The following ATP10B variants were observed in gnomAD, a reference collection of about 807,000 sequenced individuals.
ATP10B encodes the protein ATPase phospholipid transporting 10B (putative), also known as phospholipid-transporting ATPase VB.
A neutral mutation model predicts 141.2 loss-of-function variants in ATP10B; 122 were observed. The ratio of observed to expected loss-of-function variants is 0.86; its 90% CI spans 0.75 to 1.00. ATP10B has a LOEUF of 1.00. Among genes scored for constraint, ATP10B ranks in the 50% least tolerant of loss-of-function variants. The pLI, the probability that ATP10B is intolerant of heterozygous loss-of-function variation, is 0.00. For missense variants in ATP10B, 1,876 were observed against 1,825.3 expected, an observed-to-expected ratio of 1.03 and a Z score of -0.51; for synonymous variants, 685 against 692.0, an observed-to-expected ratio of 0.99 and a Z score of 0.16.
At chr5:160,898,700 A>T in the ATP10B span, among the ~76,000 whole-genome samples, 1 of 152,124 alleles carries the variant, frequency 6.6e-6, no homozygotes, top group African/African-American at 2.4e-5. Context: ...GCACACGTAT[A>T]TTTATTGCAG....
chr5:160,755,298 A>G (rs930504004), intron 2 of ATP10B, among the ~76,000 whole-genome samples: 1 of 152,146 alleles, frequency 6.6e-6, no homozygotes, highest in African/African-American at 2.4e-5. Flanking sequence ...TATCCGCCCC[A>G]TGATCCAATC....
At chr5:160,849,292 A>G (rs1305017511) in intron 1 of ATP10B, among the ~76,000 whole-genome samples, 2 of 152,098 alleles carry the variant, frequency 1.3e-5, no homozygotes, top group African/African-American at 4.8e-5. Context: ...CTTCAACTTA[A>G]TGAGTTCAGA....
intron 24 of ATP10B, among the ~76,000 whole-genome samples, chr5:160,583,532 C>T (rs1285469115): frequency 6.6e-6 from 1 of 152,170 alleles, no homozygotes; most frequent in Non-Finnish European, 1.5e-5. Flanking sequence ...GGTCAGGGAC[C>T]CACTGGAGGA....
chr5:160,828,267 A>G (rs961944378), intron 1 of ATP10B, among the ~76,000 whole-genome samples: 1 of 152,208 alleles, frequency 6.6e-6, no homozygotes, highest in Non-Finnish European at 1.5e-5. Flanking sequence ...ATCAGAGTGA[A>G]CAGGCAACCT....
At chr5:160,722,070 G>A (rs929461226) in intron 2 of ATP10B, among the ~76,000 whole-genome samples, 2 of 152,112 alleles carry the variant, frequency 1.3e-5, no homozygotes, top group African/African-American at 4.8e-5. Context: ...ACATTAGAAC[G>A]AGTGCTTCGT....
intron 3 of ATP10B, among the ~76,000 whole-genome samples, chr5:160,698,633 G>A (rs1271929411): frequency 6.6e-6 from 1 of 152,132 alleles, no homozygotes; most frequent in African/African-American, 2.4e-5. Context: ...GTGAAGTGCA[G>A]AGAGGAAAAT....
chr5:160,669,509 T>G (rs911712713), intron 7 of ATP10B, among the ~76,000 whole-genome samples: 1 of 151,630 alleles, frequency 6.6e-6, no homozygotes, highest in Non-Finnish European at 1.5e-5. Flanking sequence ...GATTTCTCCA[T>G]GATGTCTGAG....
At chr5:160,899,344 G>C in the ATP10B span, among the ~76,000 whole-genome samples, 4 of 152,008 alleles carry the variant, frequency 2.6e-5, no homozygotes, top group Admixed American at 1.3e-4. Flanking sequence ...TTAAAAATAA[G>C]AAAGTGGGGA....
the ATP10B span, among the ~76,000 whole-genome samples, chr5:160,898,623 G>A: frequency 1.3e-5 from 2 of 152,176 alleles, no homozygotes; most frequent in African/African-American, 2.4e-5. Flanking sequence ...AATACCATTT[G>A]ACTCAGCAAT....
the ATP10B span, among the ~76,000 whole-genome samples, chr5:160,899,234 G>T: frequency 4.0e-4 from 61 of 152,108 alleles, no homozygotes; most frequent in African/African-American, 1.2e-3. Flanking sequence ...TGGGGGGGAG[G>T]GGTCACAGTT....
chr5:160,621,522 A>T (rs577488882), intron 14 of ATP10B, among the ~76,000 whole-genome samples: 106 of 152,352 alleles, frequency 7.0e-4, no homozygotes, highest in African/African-American at 2.5e-3. Flanking sequence ...TTAAAAATGA[A>T]TTAATTTTTA....
At chr5:160,685,661 C>T (rs1218896680) in intron 6 of ATP10B, among the ~76,000 whole-genome samples, 1 of 152,214 alleles carries the variant, frequency 6.6e-6, no homozygotes, top group Non-Finnish European at 1.5e-5. Flanking sequence ...ATAATCCAGC[C>T]ATCCTAGAGT....
At position 160,565,332 on chromosome 5, in the gene ATP10B, G is replaced by A; in HGVS notation, c.*121C>T. ...CAGCACTTCCTCCATGGAAGTCAAGGTTGTTGAAGAAAAGAATAAGACTGG... is the reference window on the plus strand; with the variant it reads ...CAGCACTTCCTCCATGGAAGTCAAGATTGTTGAAGAAAAGAATAAGACTGG... On this transcript the variant is annotated 3_prime_UTR_variant, in exon 26 of 26. Coordinates refer to ENST00000327245, the MANE Select transcript of ATP10B (RefSeq NM_025153.3). The A allele has an allele frequency of 1.9e-6, 2 of 1,060,694 alleles. No individual in the cohort carries two copies. Among genetic ancestry groups the A allele is most frequent in the South Asian group, 3.2e-5 (2 of 63,268 alleles). 65.7% of individuals were successfully genotyped at this position (1,060,694 alleles called of 1,614,324 possible). A position where few individuals can be genotyped will look rare whatever the true frequency, so the allele number is the denominator to read the frequency against.
intron 7 of ATP10B, among the ~76,000 whole-genome samples, chr5:160,661,904 G>A (rs924949168): frequency 1.4e-4 from 21 of 152,274 alleles, no homozygotes; most frequent in South Asian, 4.1e-4. Flanking sequence ...AAGCCCCATC[G>A]TCTCAGCTCA....
chr5:160,608,133 A>G (rs1445864543), intron 18 of ATP10B, among the ~76,000 whole-genome samples: 1 of 151,854 alleles, frequency 6.6e-6, no homozygotes, highest in Non-Finnish European at 1.5e-5. Flanking sequence ...CCTGTGTCCA[A>G]GTGTTTTCAT....
chr5:160,620,692 G>A lies in ATP10B; in HGVS notation c.2071C>T (p.Leu691=), dbSNP rs1758282104. Reference sequence around the variant, plus strand: ...AAGGAAGTGCCTGACCCAGACTCCAGGATGTCGCCCTGGTCCCACATGCTG... The same window carrying A: ...AAGGAAGTGCCTGACCCAGACTCCAAGATGTCGCCCTGGTCCCACATGCTG... ...RSSMWDQGDI[L]ESGSGTSLEE... Residue 691 remains leucine, a synonymous_variant, in exon 15 of 26, where the codon CTG becomes TTG. Coordinates refer to ENST00000327245, the MANE Select transcript of ATP10B (RefSeq NM_025153.3). 6.2e-7 allele frequency: 1 copy of A among 1,613,980 alleles called. No individual in the cohort carries two copies. The highest frequency in any genetic ancestry group is 1.3e-5 in the African/African-American group (1 of 74,946).
chr5:160,770,346 A>G (rs1467711029), intron 2 of ATP10B, among the ~76,000 whole-genome samples: 15 of 151,058 alleles, frequency 9.9e-5, no homozygotes, highest in Admixed American at 9.9e-4. Flanking sequence ...TCCTCCATTT[A>G]TTTTGTTATG....
the ATP10B span, among the ~76,000 whole-genome samples, chr5:160,927,962 A>G: frequency 1.4e-4 from 21 of 152,170 alleles, no homozygotes; most frequent in African/African-American, 5.1e-4. Flanking sequence ...AAAGCCAAGG[A>G]ATAAGTGTTC....
At chr5:160,898,680 A>G in the ATP10B span, among the ~76,000 whole-genome samples, 3 of 152,218 alleles carry the variant, frequency 2.0e-5, no homozygotes, top group African/African-American at 7.2e-5. Context: ...ATTCTACTAT[A>G]AAGACACATG....
Sources: gnomAD v4.1 joint callset for allele counts (sites outside exome capture counted in the v4.1 genomes callset) on GRCh38, gnomAD v4.1.1 for gene constraint, MANE v1.5 for transcripts, NCBI Gene and HGNC (gene_info 2026-07-23, HGNC 2026-07-21) for gene names.